The following PREX2 variants were observed in gnomAD, a reference collection of about 807,000 sequenced individuals.
PREX2 encodes the protein phosphatidylinositol-3,4,5-trisphosphate dependent Rac exchange factor 2, also known as phosphatidylinositol 3,4,5-trisphosphate-dependent Rac exchanger 2 protein.
In PREX2, 107 loss-of-function variants were observed where a neutral mutation model predicts 203.2. That is an observed-to-expected ratio of 0.53 (90% CI 0.45 to 0.62). PREX2 has a LOEUF of 0.62. Among genes scored for constraint, PREX2 ranks in the 20% least tolerant of loss-of-function variants. The pLI is 0.00. For missense variants in PREX2, 1,777 were observed against 1,955.9 expected (o/e 0.91, Z 1.72); for synonymous variants, 672 against 663.6 (o/e 1.01, Z -0.19).
intron 1 of PREX2, among the ~76,000 whole-genome samples, chr8:67,999,043 A>G (rs1329507992): frequency 6.6e-6 from 1 of 152,180 alleles, no homozygotes; most frequent in Non-Finnish European, 1.5e-5. Flanking sequence ...GTCTCTTGCA[A>G]CTTTCTACAT....
At chr8:67,966,043 T>C (rs1805766828) in intron 1 of PREX2, among the ~76,000 whole-genome samples, 1 of 152,200 alleles carries the variant, frequency 6.6e-6, no homozygotes, top group South Asian at 2.1e-4. Context: ...TTTCTACTTA[T>C]GGTTTACTTC....
intron 11 of PREX2, among the ~76,000 whole-genome samples, chr8:68,068,533 T>A (rs922003912): frequency 4.6e-5 from 7 of 152,064 alleles, no homozygotes; most frequent in Admixed American, 1.3e-4. Flanking sequence ...AAGATTGGTG[T>A]ATGTGTGGTC....
rs1030032386 is a variant in PREX2 at position 68,146,141 on chromosome 8, A to G, written c.4088-68A>G. 6 of 1,115,656 alleles carry G rather than the reference A, an allele frequency of 5.4e-6. No homozygotes were observed. In the African/African-American group the frequency reaches 9.5e-5, roughly 18 times the overall value. 69.1% of individuals were successfully genotyped at this position (1,115,656 alleles called of 1,614,324 possible). ...AGTAATTCTCAGGATTCTTTCTGAA[A>G]GTTAACAAAAGTACCATCTAGCATA... On this transcript the variant is annotated intron_variant, in intron 33 of 39. Transcript: ENST00000288368.
At chr8:68,147,994 C>CCTAG (rs1811361586) in intron 34 of PREX2, among the ~76,000 whole-genome samples, 2 of 152,134 alleles carry the variant, frequency 1.3e-5, no homozygotes, top group Admixed American at 1.3e-4. Flanking sequence ...CGCATGTAAT[C>CCTAG]CTAGCACTTT....
chr8:68,131,102 C>T (rs1811001123), intron 31 of PREX2, among the ~76,000 whole-genome samples: 1 of 152,220 alleles, frequency 6.6e-6, no homozygotes, highest in Non-Finnish European at 1.5e-5. Flanking sequence ...GTACCCCACA[C>T]TTCTGACTGC....
At chr8:68,221,108 C>T (rs1208990953) in intron 38 of PREX2, among the ~76,000 whole-genome samples, 2 of 152,162 alleles carry the variant, frequency 1.3e-5, no homozygotes, top group African/African-American at 2.4e-5. Context: ...AAAGTGAGAG[C>T]ATGCAATATT....
chr8:68,067,633 T>C (rs1415644449), intron 11 of PREX2, among the ~76,000 whole-genome samples: 1 of 152,096 alleles, frequency 6.6e-6, no homozygotes, highest in Admixed American at 6.6e-5. Flanking sequence ...GTGGAAGTTA[T>C]ATGGTTTTCT....
rs1807747157 is a variant in PREX2 at position 68,027,215 on chromosome 8, A to G, written c.442-7A>G. On this transcript the variant is annotated splice_region_variant and splice_polypyrimidine_tract_variant and intron_variant, in intron 4 of 39. Transcript: ENST00000288368. ...GATGTAATTAATTTTGATTATTTTCACCCCAGAACTGCATGCTGCTTGGAG... is the reference window on the plus strand; with the variant it reads ...GATGTAATTAATTTTGATTATTTTCGCCCCAGAACTGCATGCTGCTTGGAG... The G allele has an allele frequency of 6.3e-7, 1 of 1,597,588 alleles. No individual in the cohort carries two copies.
At chr8:68,163,293 A>G (rs1811689478) in intron 35 of PREX2, among the ~76,000 whole-genome samples, 1 of 152,204 alleles carries the variant, frequency 6.6e-6, no homozygotes. Context: ...GTAAATGGAA[A>G]AGGTTAAAGT....
intron 20 of PREX2, among the ~76,000 whole-genome samples, chr8:68,093,390 CAA>C (rs56001927): frequency 0.47 from 37,532 of 80,344 alleles, 4,943 homozygotes; most frequent in South Asian, 0.52. Flanking sequence ...AACTCCATCT[CAA>C]AAAAAAAAAA....
chr8:68,228,765 CTAAATAAATAAATAAATAAA>C (rs59480721), intron 39 of PREX2, among the ~76,000 whole-genome samples: 9 of 140,604 alleles, frequency 6.4e-5, no homozygotes, highest in African/African-American at 2.4e-4. Context: ...GACTCCGTCT[CTAAATAAATAAATAAATAAA>C]TAAATAAATA....
chr8:68,113,167 T>A (rs1295665064), intron 25 of PREX2, among the ~76,000 whole-genome samples: 1 of 152,186 alleles, frequency 6.6e-6, no homozygotes, highest in Non-Finnish European at 1.5e-5. Context: ...AACATGGTGT[T>A]AAAAATACAG....
chr8:68,079,335 G>A (rs184122137), intron 15 of PREX2, among the ~76,000 whole-genome samples: 1 of 152,284 alleles, frequency 6.6e-6, no homozygotes, highest in Admixed American at 6.5e-5. Context: ...TTGGAGCTCT[G>A]TAAAAATAAT....
intron 1 of PREX2, among the ~76,000 whole-genome samples, chr8:67,987,072 G>C (rs1806452846): frequency 6.8e-6 from 1 of 147,072 alleles, no homozygotes; most frequent in Admixed American, 7.0e-5. Flanking sequence ...AGAATGGTGT[G>C]AACCTGGGAG....
At chr8:67,980,364 G>A (rs375130470) in intron 1 of PREX2, among the ~76,000 whole-genome samples, 15 of 150,228 alleles carry the variant, frequency 1.0e-4, no homozygotes, top group African/African-American at 3.1e-4. Flanking sequence ...GGAATTGATA[G>A]GAGTTGAAGA....
chr8:67,983,617 C>T (rs1156572811), intron 1 of PREX2, among the ~76,000 whole-genome samples: 15 of 152,244 alleles, frequency 9.9e-5, no homozygotes, highest in Admixed American at 9.8e-4. Flanking sequence ...TCCCAAATTT[C>T]CAGCAGTATC....
chr8:68,109,579 G>T lies in PREX2; in HGVS notation c.3102G>T (p.Gln1034His). Reference sequence around the variant, plus strand: ...ATCAGAAACTGCTGGGCAAACTTCAGACTGCACTGAAAGAGGTGGAGATGT... The same window carrying T: ...ATCAGAAACTGCTGGGCAAACTTCATACTGCACTGAAAGAGGTGGAGATGT... ...DIYQKLLGKLQTALKEVEMCV... is the reference protein window; with the variant it reads ...DIYQKLLGKLHTALKEVEMCV... The change falls in exon 25 of 40, where the codon CAG becomes CAT. Residue 1034 changes from glutamine to histidine, a missense_variant. Transcript: ENST00000288368. 1 of 1,614,018 alleles carries T rather than the reference G, an allele frequency of 6.2e-7. No individual in the cohort carries two copies. Among genetic ancestry groups the T allele is most frequent in the Non-Finnish European group, 8.5e-7 (1 of 1,179,896 alleles).
Position 67,952,485 on chromosome 8 carries a change from C to T in PREX2, c.91C>T (p.Leu31Phe), listed in dbSNP as rs550215100. ...LRLRVCVLSE[L>F]QKTERDYVGT... ...CCTGCGCGTGTGCGTGCTCAGCGAG[C>T]TCCAGAAGACCGAGCGGGACTATGT... Residue 31 changes from leucine to phenylalanine, a missense_variant, in exon 1 of 40, where the codon CTC becomes TTC. Leu to Phe is a conservative substitution (Grantham distance 22). Transcript: ENST00000288368. 1.2e-6 allele frequency: 2 copies of T among 1,608,050 alleles called. No homozygotes were observed. Among genetic ancestry groups the T allele is most frequent in the East Asian group, 2.3e-5 (1 of 44,420 alleles).
intron 34 of PREX2, among the ~76,000 whole-genome samples, chr8:68,154,232 T>G (rs1865428): frequency 1.3e-5 from 2 of 152,242 alleles, no homozygotes; most frequent in South Asian, 4.1e-4. Flanking sequence ...TCAGTATCTC[T>G]TTGGAATTAA....
Sources: allele counts gnomAD v4.1 joint callset (sites outside exome capture counted in the v4.1 genomes callset), GRCh38; gene constraint gnomAD v4.1.1; transcripts MANE v1.5; gene names NCBI Gene and HGNC (gene_info 2026-07-23, HGNC 2026-07-21).